The following CSMD2 variants were observed in gnomAD, a reference collection of about 807,000 sequenced individuals.
CSMD2 encodes the protein CUB and sushi domain-containing protein 2.
Under a neutral mutation model 398.5 loss-of-function variants are expected in CSMD2, and 130 were observed. That is an observed-to-expected ratio of 0.33 (90% CI 0.28 to 0.38). The LOEUF is 0.38. Among genes scored for constraint, CSMD2 ranks in the 10% least tolerant of loss-of-function variants. CSMD2 has a pLI of 1.00. For synonymous variants in CSMD2, 1,828 were observed against 1,908.5 expected (o/e 0.96, Z 1.10); for missense variants, 3,829 against 4,764.9 (o/e 0.80, Z 5.78).
intron 3 of CSMD2, among the ~76,000 whole-genome samples, chr1:34,006,813 A>G (rs970661829): frequency 2.6e-5 from 4 of 152,104 alleles, no homozygotes; most frequent in African/African-American, 9.7e-5. Flanking sequence ...TGGAGTCGTA[A>G]CTACCCCAAG....
intron 24 of CSMD2, among the ~76,000 whole-genome samples, chr1:33,695,605 G>A (rs1022012609): frequency 3.9e-5 from 6 of 152,192 alleles, no homozygotes; most frequent in African/African-American, 1.4e-4. Flanking sequence ...TGCCCACATT[G>A]CTGGAGTCTT....
intron 64 of CSMD2, among the ~76,000 whole-genome samples, chr1:33,529,974 A>G (rs1655097565): frequency 1.3e-5 from 2 of 152,252 alleles, no homozygotes; most frequent in Non-Finnish European, 2.9e-5. Flanking sequence ...ATTTGAATAG[A>G]CATTTCTCTA....
chr1:33,631,752 A>G (rs1642479839), intron 32 of CSMD2, among the ~76,000 whole-genome samples: 1 of 152,176 alleles, frequency 6.6e-6, no homozygotes, highest in African/African-American at 2.4e-5. Context: ...GAGTTAATAT[A>G]AACGTGAGTT....
intron 1 of CSMD2, among the ~76,000 whole-genome samples, chr1:34,108,108 A>G (rs1000784432): frequency 2.0e-5 from 3 of 151,974 alleles, no homozygotes; most frequent in Non-Finnish European, 4.4e-5. Context: ...TTTTCTTTTC[A>G]TTTGTTTCTT....
rs1224938086 is a variant in CSMD2, at chr1:33,537,730, A to T, written c.9632-121T>A. On this transcript the variant is annotated intron_variant, in intron 60 of 70. Transcript: ENST00000373381. This position sits in a 1 kb window ranked among gnomAD's most constrained non-coding sequence, Gnocchi z 4.6. ...TTCCTGGTTGAGCTTGAACTCTGGG[A>T]ACCGGGGCAGCCCCAGGTAGGTGCT... The T allele has an allele frequency of 1.8e-6, 2 of 1,093,994 alleles. No homozygotes were observed. Among genetic ancestry groups the T allele is most frequent in the Non-Finnish European group, 2.5e-6 (2 of 793,786 alleles). 67.8% of individuals were successfully genotyped at this position (1,093,994 alleles called of 1,614,324 possible).
intron 5 of CSMD2, among the ~76,000 whole-genome samples, chr1:33,887,105 G>C (rs758509150): frequency 6.6e-6 from 1 of 151,898 alleles, no homozygotes; most frequent in Non-Finnish European, 1.5e-5. Context: ...AATTTTAAAA[G>C]GTCTGTTTCC....
chr1:34,144,924 C>T lies in CSMD2; in HGVS notation c.187+19987G>A, dbSNP rs186631361. Among the ~76,000 whole-genome samples, 685 of 152,370 alleles carry T rather than the reference C, an allele frequency of 4.5e-3. 1 individual carries two copies. Among genetic ancestry groups the T allele is most frequent in the Admixed American group, 9.7e-3 (148 of 15,312 alleles). On this transcript the variant is annotated intron_variant, in intron 1 of 70. Coordinates refer to ENST00000373381, the MANE Select transcript of CSMD2 (RefSeq NM_001281956.2). ...CACAGGCCAAATAAATGCCAAGTGTCTGCTTTGGGCTGGAACTATTCCCAA... is the reference window on the plus strand; with the variant it reads ...CACAGGCCAAATAAATGCCAAGTGTTTGCTTTGGGCTGGAACTATTCCCAA...
chr1:33,617,671 CG>C, intron 37 of CSMD2, 54 bp from the exon 38 acceptor site: 1 of 1,397,624 alleles, frequency 7.2e-7, no homozygotes, highest in Non-Finnish European at 1.0e-6. Context: ...AGCAGGTCAA[CG>C]TGGCGGTAGG....
At chr1:33,622,390 TC>T in intron 36 of CSMD2, 119 bp from the exon 37 acceptor site, 2 of 706,876 alleles carry the variant, frequency 2.8e-6, no homozygotes, top group South Asian at 3.2e-5. Context: ...CCCCCAGATG[TC>T]CCCAGTTATG....
chr1:33,612,145 G>A (rs549371086), intron 40 of CSMD2, among the ~76,000 whole-genome samples: 2 of 152,216 alleles, frequency 1.3e-5, no homozygotes, highest in Non-Finnish European at 2.9e-5. Context: ...GAAGGTCCTT[G>A]TCTTCATGAG....
At chr1:33,675,111 G>A (rs1015599440) in intron 25 of CSMD2, among the ~76,000 whole-genome samples, 1 of 151,736 alleles carries the variant, frequency 6.6e-6, no homozygotes, top group Non-Finnish European at 1.5e-5. Flanking sequence ...CTAAGATCAG[G>A]GCAGAACTGA....
intron 5 of CSMD2, among the ~76,000 whole-genome samples, chr1:33,890,618 A>T (rs1387799609): frequency 6.6e-6 from 1 of 152,056 alleles, no homozygotes; most frequent in East Asian, 1.9e-4. Context: ...ACAAAGCTGG[A>T]GGCATCATGC....
chr1:33,845,458 C>T (rs574237434), intron 6 of CSMD2, among the ~76,000 whole-genome samples: 2 of 152,308 alleles, frequency 1.3e-5, no homozygotes, highest in Admixed American at 1.3e-4. Flanking sequence ...TGGCATCAAA[C>T]CTTAACCTTA....
Position 33,624,314 on chromosome 1 carries a change from T to G in CSMD2, c.5625+205A>C, listed in dbSNP as rs1305732297. Among the ~76,000 whole-genome samples the G allele has an allele frequency of 6.6e-6, 1 of 152,138 alleles. No individual in the cohort carries two copies. On this transcript the variant is annotated intron_variant, in intron 35 of 70. Coordinates refer to ENST00000373381, the MANE Select transcript of CSMD2 (RefSeq NM_001281956.2). This position sits in a 1 kb window ranked among gnomAD's most constrained non-coding sequence, Gnocchi z 4.7. ...CCTGAAGCTCTTGGGGCCTGGAACC[T>G]GCTGTGTTTTCTGCATGGGAGCCAC...
rs1376253493 is a variant in CSMD2 at position 33,541,240 on chromosome 1, T to C, written c.9347A>G (p.Lys3116Arg). Residue 3116 changes from lysine to arginine, a missense_variant, in exon 59 of 71, where the codon AAA (lysine) becomes AGA (arginine). Lys to Arg is a conservative substitution (Grantham distance 26). Transcript: ENST00000373381. Reference protein sequence around the residue: ...LRLGNDFRYNKTVTYQCVPGY... With the variant: ...LRLGNDFRYNRTVTYQCVPGY... Reference sequence around the variant, plus strand: ...AGGGACACACTGATATGTCACAGTTTTGTTGTACCTGAAGTCATTGCCCAG... The same window carrying C: ...AGGGACACACTGATATGTCACAGTTCTGTTGTACCTGAAGTCATTGCCCAG... The C allele has an allele frequency of 8.7e-6, 14 of 1,614,030 alleles. No individual in the cohort carries two copies. The highest frequency in any genetic ancestry group is 1.2e-5 in the Non-Finnish European group (14 of 1,180,006).
chr1:33,754,551 TGG>T (rs960069806), intron 13 of CSMD2, among the ~76,000 whole-genome samples: 30 of 152,318 alleles, frequency 2.0e-4, no homozygotes, highest in African/African-American at 7.2e-4. Context: ...AATGCAAGAA[TGG>T]GCTAATAAAG....
chr1:33,692,815 A>G (rs1645284866), intron 25 of CSMD2, 115 bp downstream of exon 25: 2 of 1,301,284 alleles, frequency 1.5e-6, no homozygotes, highest in Non-Finnish European at 2.2e-6. Flanking sequence ...ATTGATCACA[A>G]GGTTCTCCAG....
chr1:33,622,328 T>A, intron 36 of CSMD2, 57 bp from the exon 37 acceptor site: 1 of 1,205,292 alleles, frequency 8.3e-7, no homozygotes, highest in East Asian at 2.3e-5. Context: ...GGCCCTTGCA[T>A]TCCTCCCCAT....
chr1:33,971,151 T>G (rs1285762821), intron 3 of CSMD2, among the ~76,000 whole-genome samples: 6 of 152,218 alleles, frequency 3.9e-5, no homozygotes, highest in Non-Finnish European at 7.3e-5. Context: ...CAGGATCTCC[T>G]TCAACGCTTC....
Sources: gnomAD v4.1 joint callset for allele counts (sites outside exome capture counted in the v4.1 genomes callset) on GRCh38, gnomAD v4.1.1 for gene constraint, Gnocchi (gnomAD v3.1) non-coding constraint, MANE v1.5 for transcripts, NCBI Gene and HGNC (gene_info 2026-07-23, HGNC 2026-07-21) for gene names.